Variants in PSMA1 observed in about 807,000 individuals in gnomAD.
The protein encoded by PSMA1 is proteasome 20S subunit alpha 1, also known as proteasome subunit alpha type-1.
In PSMA1, 3 loss-of-function variants were observed where a neutral mutation model predicts 38.4. The ratio of observed to expected loss-of-function variants is 0.08; its 90% CI spans 0.04 to 0.20. The LOEUF (loss-of-function observed/expected upper bound fraction) is 0.20, where lower values mean the gene tolerates loss of function less well. Among genes scored for constraint, PSMA1 ranks in the 10% least tolerant of loss-of-function variants. The pLI is 1.00. For synonymous variants in PSMA1, 101 were observed against 107.1 expected (o/e 0.94, Z 0.35); for missense variants, 227 against 325.3 (o/e 0.70, Z 2.32).
In PSMA1 at chr11:14,520,326, C is replaced by T. The variant is rs141091354; in HGVS notation, c.-27G>A. The T allele has an allele frequency of 2.7e-4, 431 of 1,614,156 alleles. 1 individual carries two copies. In the African/African-American group the frequency reaches 5.0e-3, roughly 19 times the overall value. Reference sequence around the variant, plus strand: ...GTGGCGGCGCGGGCCTGGTTGCGGCCTCCAGCAAAACTGAGAATCAAGGAG... The same window carrying T: ...GTGGCGGCGCGGGCCTGGTTGCGGCTTCCAGCAAAACTGAGAATCAAGGAG... On this transcript the variant is annotated 5_prime_UTR_variant, in exon 1 of 10. Transcript: ENST00000396394.
chr11:14,531,130 C>CTT (rs768170540), intron 2 of PSMA1, among the ~76,000 whole-genome samples: 17 of 151,806 alleles, frequency 1.1e-4, no homozygotes, highest in Non-Finnish European at 2.5e-4. Context: ...ATACTTCACC[C>CTT]TTTTTTTTCC....
intron 1 of PSMA1, among the ~76,000 whole-genome samples, chr11:14,639,721 C>T (rs1480490004): frequency 6.6e-6 from 1 of 152,236 alleles, no homozygotes; most frequent in African/African-American, 2.4e-5. Context: ...TCCAAATGCA[C>T]TATAGCTGAA....
chr11:14,556,672 A>G (rs546347502), intron 2 of PSMA1, among the ~76,000 whole-genome samples: 1 of 151,910 alleles, frequency 6.6e-6, no homozygotes, highest in African/African-American at 2.4e-5. Context: ...TTGAGAAAAA[A>G]TTTTTTTGAC....
At chr11:14,547,786 G>T (rs920328999) in intron 2 of PSMA1, among the ~76,000 whole-genome samples, 9 of 152,154 alleles carry the variant, frequency 5.9e-5, no homozygotes, top group African/African-American at 2.2e-4. Context: ...GATGGAGGGA[G>T]GCAAAACAGG....
intron 2 of PSMA1, among the ~76,000 whole-genome samples, chr11:14,585,029 T>C (rs1490180337): frequency 6.6e-6 from 1 of 152,250 alleles, no homozygotes; most frequent in Non-Finnish European, 1.5e-5. Context: ...TTATAGAAGA[T>C]ATTCATGTTA....
At chr11:14,596,397 G>A (rs1292612212) in intron 2 of PSMA1, among the ~76,000 whole-genome samples, 1 of 152,100 alleles carries the variant, frequency 6.6e-6, no homozygotes, top group African/African-American at 2.4e-5. Context: ...TCTTCCATTT[G>A]CTTGTGTCCT....
chr11:14,624,758 T>C (rs1453313808), intron 1 of PSMA1, among the ~76,000 whole-genome samples: 2 of 152,154 alleles, frequency 1.3e-5, no homozygotes, highest in African/African-American at 4.8e-5. Context: ...TCCTATGTCA[T>C]CTACTTGGAA....
rs1046348905 is a variant in PSMA1 at position 14,595,777 on chromosome 11, C to T, written c.21+15189G>A. ...TCTCATTTGTCAATTTTGGCTTTTG[C>T]TGCCATTGCTTTTGGTGTTTTAGTC... is the stretch of plus-strand genomic sequence containing the variant. On this transcript the variant is annotated intron_variant, in intron 2 of 10. Coordinates refer to the PSMA1 transcript ENST00000418988. Among the ~76,000 whole-genome samples the T allele has an allele frequency of 4.6e-5, 7 of 152,086 alleles. No homozygotes were observed. The East Asian group carries it at 9.6e-4, about 21-fold the overall frequency.
intron 7 of PSMA1, among the ~76,000 whole-genome samples, chr11:14,511,845 C>T (rs1275703197): frequency 1.3e-5 from 2 of 152,132 alleles, no homozygotes; most frequent in Non-Finnish European, 2.9e-5. Context: ...TCTCTATTCC[C>T]AGACAACATG....
At chr11:14,617,369 A>G (rs1371050509) in intron 1 of PSMA1, among the ~76,000 whole-genome samples, 1 of 151,970 alleles carries the variant, frequency 6.6e-6, no homozygotes, top group Non-Finnish European at 1.5e-5. Flanking sequence ...TACTATAATC[A>G]TTTGCTTGTC....
intron 1 of PSMA1, among the ~76,000 whole-genome samples, chr11:14,617,665 A>ATATATATACG (rs1475405426): frequency 6.8e-6 from 1 of 146,476 alleles, no homozygotes; most frequent in Non-Finnish European, 1.5e-5. Context: ...TTTTTGAAAT[A>ATATATATACG]TATATATACA....
At chr11:14,618,607 A>T (rs1852804116) in intron 1 of PSMA1, among the ~76,000 whole-genome samples, 1 of 152,250 alleles carries the variant, frequency 6.6e-6, no homozygotes, top group Non-Finnish European at 1.5e-5. Flanking sequence ...TTAGTATTTT[A>T]AAGATGTCAC....
At chr11:14,630,063 G>C (rs2133718058) in intron 1 of PSMA1, among the ~76,000 whole-genome samples, 1 of 151,906 alleles carries the variant, frequency 6.6e-6, no homozygotes, top group East Asian at 1.9e-4. Context: ...GGAGATTTTG[G>C]GCTGAGACAA....
intron 2 of PSMA1, among the ~76,000 whole-genome samples, chr11:14,604,997 T>C (rs542719527): frequency 6.6e-6 from 1 of 152,334 alleles, no homozygotes; most frequent in African/African-American, 2.4e-5. Context: ...CTATTGTGAA[T>C]AGTGCTGTGA....
intron 2 of PSMA1, among the ~76,000 whole-genome samples, chr11:14,539,805 C>T (rs576928725): frequency 6.6e-6 from 1 of 151,694 alleles, no homozygotes; most frequent in African/African-American, 2.4e-5. Context: ...GCCGAGATTG[C>T]GCCACTGCAC....
intron 2 of PSMA1, among the ~76,000 whole-genome samples, chr11:14,581,072 C>T (rs1011915167): frequency 1.3e-5 from 2 of 152,068 alleles, no homozygotes; most frequent in African/African-American, 4.8e-5. Flanking sequence ...TATGAGAGAA[C>T]CTTTAGAAAG....
Position 14,626,386 on chromosome 11 carries a change from T to C in PSMA1, c.-165-15235A>G, listed in dbSNP as rs150714728. The stretch of plus-strand genomic sequence containing the variant: ...CTTGTACCTATTCTTATCTTATCTA[T>C]GCTATTACCGTTTTGGCACATCTCT... On this transcript the variant is annotated intron_variant, in intron 1 of 10. Transcript: ENST00000418988. Among the ~76,000 whole-genome samples, 1,399 of 152,322 alleles carry C rather than the reference T, an allele frequency of 9.2e-3. 68 individuals are homozygous for C. Among genetic ancestry groups the C allele is most frequent in the Non-Finnish European group, 2.3e-3 (155 of 68,036 alleles).
intron 2 of PSMA1, among the ~76,000 whole-genome samples, chr11:14,602,810 C>T (rs1852599619): frequency 6.6e-6 from 1 of 152,178 alleles, no homozygotes; most frequent in Non-Finnish European, 1.5e-5. Flanking sequence ...GTGAGTGTTT[C>T]TCATGGATTA....
At chr11:14,551,011 T>C (rs550179574) in intron 2 of PSMA1, among the ~76,000 whole-genome samples, 179 of 152,274 alleles carry the variant, frequency 1.2e-3, no homozygotes, top group South Asian at 6.0e-3. Flanking sequence ...GGTATCTAAA[T>C]ATAGCACACA....
Sources: allele counts gnomAD v4.1 joint callset (sites outside exome capture counted in the v4.1 genomes callset), GRCh38; gene constraint gnomAD v4.1.1; transcripts MANE v1.5; gene names NCBI Gene and HGNC (gene_info 2026-07-23, HGNC 2026-07-21).